Variants in UNC79 observed in about 807,000 individuals in gnomAD.
UNC79 encodes unc-79 subunit of NALCN channel complex, also known as protein unc-79 homolog.
UNC79 carries 37 observed loss-of-function variants against 283.1 expected under a neutral mutation model. The ratio of observed to expected loss-of-function variants is 0.13; its 90% CI spans 0.10 to 0.17. UNC79 has a LOEUF of 0.17. Ranked by LOEUF, UNC79 falls within the 10% of genes least tolerant of loss-of-function variation. The pLI is 1.00. For synonymous variants in UNC79, 1,107 were observed against 1,200.2 expected (o/e 0.92, Z 1.61); for missense variants, 2,272 against 3,211.1 (o/e 0.71, Z 7.07).
chr14:93,703,654 A>G (rs2075686060), intron 47 of UNC79, among the ~76,000 whole-genome samples: 1 of 152,344 alleles, frequency 6.6e-6, no homozygotes, highest in African/African-American at 2.4e-5. Context: ...AATGGGGCAC[A>G]ATTCAATGCA....
chr14:93,659,788 T>C (rs1273911185), intron 39 of UNC79, among the ~76,000 whole-genome samples: 2 of 152,242 alleles, frequency 1.3e-5, no homozygotes. Flanking sequence ...TGCTTAATGC[T>C]TCAGATATAT....
At chr14:93,467,628 CTTTTTT>C (rs398026224) in intron 1 of UNC79, 37 bp from the exon 2 acceptor site, 264 of 762,450 alleles carry the variant, frequency 3.5e-4, no homozygotes, top group South Asian at 8.6e-4. Context: ...TTTCTTCTTC[CTTTTTT>C]TTTTTTTTTT....
At chr14:93,369,262 T>C (rs1252141833) in intron 1 of UNC79, among the ~76,000 whole-genome samples, 2 of 152,236 alleles carry the variant, frequency 1.3e-5, no homozygotes, top group African/African-American at 2.4e-5. Flanking sequence ...CTTCTACTTA[T>C]ACTGTTCTTC....
At chr14:93,674,476 C>T (rs2073160239) in intron 41 of UNC79, among the ~76,000 whole-genome samples, 1 of 152,144 alleles carries the variant, frequency 6.6e-6, no homozygotes, top group South Asian at 2.1e-4. Context: ...AGGGTTGAGG[C>T]TAGATTTAGA....
intron 1 of UNC79, among the ~76,000 whole-genome samples, chr14:93,447,262 C>T (rs2056487912): frequency 6.6e-6 from 1 of 152,064 alleles, no homozygotes; most frequent in Non-Finnish European, 1.5e-5. Context: ...TTAAAGTTTT[C>T]CTACTGTCTT....
At chr14:93,483,866 A>C (rs2058272798) in intron 4 of UNC79, among the ~76,000 whole-genome samples, 1 of 152,190 alleles carries the variant, frequency 6.6e-6, no homozygotes. Flanking sequence ...AAAGGGCATG[A>C]ACTCATCCTT....
rs775942790 is a variant in UNC79 at position 93,355,033 on chromosome 14, C to CT, written c.-351+21524dup. Reference sequence around the variant, plus strand: ...TTTAGTGTAGCTCTAATTTTACAGCCTTTTTTTTTTTTTTGACAGAGTTTC... The same window carrying CT: ...TTTAGTGTAGCTCTAATTTTACAGCCTTTTTTTTTTTTTTTGACAGAGTTTC... On this transcript the variant is annotated intron_variant, in intron 1 of 49. Coordinates refer to the UNC79 transcript ENST00000256339. Among the ~76,000 whole-genome samples, 651 of 140,338 alleles carry CT rather than the reference C, an allele frequency of 4.6e-3. 3 individuals are homozygous for CT. Among genetic ancestry groups the CT allele is most frequent in the Middle Eastern group, 0.022 (6 of 272 alleles). The allele number at this position is 140,338 out of a possible 152,430, so 92.1% of individuals were successfully genotyped here. A position where few individuals can be genotyped will look rare whatever the true frequency, so the allele number is the denominator to read the frequency against.
chr14:93,412,339 G>T (rs1193977558), intron 1 of UNC79, among the ~76,000 whole-genome samples: 1 of 152,032 alleles, frequency 6.6e-6, no homozygotes, highest in Non-Finnish European at 1.5e-5. Flanking sequence ...TAAAGAGGAG[G>T]TGGAGAAAGA....
intron 23 of UNC79, among the ~76,000 whole-genome samples, chr14:93,596,535 T>C (rs1442743321): frequency 1.3e-5 from 2 of 152,210 alleles, no homozygotes; most frequent in East Asian, 3.9e-4. Context: ...CTTGGGAGGC[T>C]GAGGCATGAG....
chr14:93,421,355 A>C (rs1349424237), intron 1 of UNC79, among the ~76,000 whole-genome samples: 3 of 151,726 alleles, frequency 2.0e-5, no homozygotes, highest in Non-Finnish European at 4.4e-5. Flanking sequence ...TGGAAACACT[A>C]GAAGAAATGG....
chr14:93,451,965 T>A (rs988909659), intron 1 of UNC79, among the ~76,000 whole-genome samples: 1 of 152,252 alleles, frequency 6.6e-6, no homozygotes, highest in African/African-American at 2.4e-5. Flanking sequence ...AAAAATCCTT[T>A]TACTGTAATT....
chr14:93,559,750 T>G (rs1052241662), intron 14 of UNC79, among the ~76,000 whole-genome samples: 2 of 152,224 alleles, frequency 1.3e-5, no homozygotes, highest in African/African-American at 4.8e-5. Flanking sequence ...TCACTTCTTT[T>G]GTGATTCTTC....
Position 93,493,897 on chromosome 14 carries a change from A to ATTTT in UNC79, c.713-2513_713-2512insTTTT, listed in dbSNP as rs1427126465. 2.5e-3 allele frequency among the ~76,000 whole-genome samples: 142 copies of ATTTT among 57,558 alleles called. 1 individual carries two copies. The highest frequency in any genetic ancestry group is 4.8e-3 in the African/African-American group (69 of 14,480). 37.8% of individuals were successfully genotyped at this position (57,558 alleles called of 152,430 possible). ...CACATATATATATATATATATATAT[A>ATTTT]TATATTTTTTTTTTTTTTTTTTTGA... is the stretch of plus-strand genomic sequence containing the variant. On this transcript the variant is annotated intron_variant, in intron 5 of 48. Coordinates refer to ENST00000555664, the Ensembl canonical transcript of UNC79.
chr14:93,672,038 A>G (rs1291493695), intron 40 of UNC79, among the ~76,000 whole-genome samples: 1 of 152,114 alleles, frequency 6.6e-6, no homozygotes, highest in Non-Finnish European at 1.5e-5. Context: ...AAAATAACAG[A>G]TCCTGGCGAG....
chr14:93,537,490 G>A (rs527775536), intron 11 of UNC79, among the ~76,000 whole-genome samples: 8 of 152,318 alleles, frequency 5.3e-5, no homozygotes, highest in Non-Finnish European at 8.8e-5. Flanking sequence ...CCTTGAATGC[G>A]ACAAGGACAG....
intron 23 of UNC79, among the ~76,000 whole-genome samples, chr14:93,597,119 C>T (rs945749674): frequency 1.3e-5 from 2 of 152,122 alleles, no homozygotes; most frequent in African/African-American, 4.8e-5. Context: ...TAGATCAAGG[C>T]TGCGTGGGAA....
intron 6 of UNC79, among the ~76,000 whole-genome samples, chr14:93,496,704 G>T (rs1161777128): frequency 3.3e-5 from 5 of 152,038 alleles, no homozygotes; most frequent in African/African-American, 7.2e-5. Context: ...CTTATTCTTG[G>T]AATTAAGCTA....
chr14:93,677,186 A>G (rs1403292493), intron 41 of UNC79, among the ~76,000 whole-genome samples: 1 of 152,226 alleles, frequency 6.6e-6, no homozygotes, highest in Non-Finnish European at 1.5e-5. Context: ...GGCATACCTT[A>G]AAACAGAGTA....
chr14:93,336,463 T>G (rs2053579814), intron 1 of UNC79, among the ~76,000 whole-genome samples: 1 of 152,118 alleles, frequency 6.6e-6, no homozygotes, highest in Non-Finnish European at 1.5e-5. Flanking sequence ...TGCCTCAGCC[T>G]CCCGAGTAGC....
Sources: allele counts gnomAD v4.1 joint callset (sites outside exome capture counted in the v4.1 genomes callset), GRCh38; gene constraint gnomAD v4.1.1; transcripts MANE v1.5; gene names NCBI Gene and HGNC (gene_info 2026-07-23, HGNC 2026-07-21).